SVOP: variants seen among roughly 807,000 people sequenced by gnomAD.
SVOP encodes the protein synaptic vesicle 2-related protein.
SVOP carries 17 observed loss-of-function variants against 69.1 expected under a neutral mutation model. That is an observed-to-expected ratio of 0.25 (90% CI 0.17 to 0.37). SVOP has a LOEUF of 0.37. Among genes scored for constraint, SVOP ranks in the 10% least tolerant of loss-of-function variants. SVOP has a pLI of 1.00. For missense variants in SVOP, 435 were observed against 597.5 expected (o/e 0.73, Z 2.84); for synonymous variants, 238 against 238.6 (o/e 1.00, Z 0.02).
chr12:108,966,541 GC>G (rs1014177834), intron 5 of SVOP, among the ~76,000 whole-genome samples: 7 of 149,044 alleles, frequency 4.7e-5, no homozygotes, highest in Non-Finnish European at 1.0e-4. Context: ...CTTGCCAGCT[GC>G]CTGGCTTGCA....
intron 7 of SVOP, among the ~76,000 whole-genome samples, chr12:108,944,178 C>T (rs1397711596): frequency 1.3e-5 from 2 of 150,584 alleles, no homozygotes; most frequent in African/African-American, 4.9e-5. Flanking sequence ...CTGCGCCTGG[C>T]CTTTTTTTTT....
At position 108,989,221 on chromosome 12, in the gene SVOP, C is replaced by A. The variant is rs186289039; in HGVS notation, c.36-5460G>T. Among the ~76,000 whole-genome samples the A allele has an allele frequency of 5.0e-3, 763 of 152,268 alleles. 9 individuals are homozygous for A. Among genetic ancestry groups the A allele is most frequent in the African/African-American group, 0.018 (729 of 41,552 alleles). On this transcript the variant is annotated intron_variant, in intron 1 of 15. Coordinates refer to ENST00000610966, the MANE Select transcript of SVOP (RefSeq NM_018711.5). ...AGTAGCTGGGACTACAGGCACGCACCACCACCACACCTAGCTTTTTGTTAG... is the reference window on the plus strand; with the variant it reads ...AGTAGCTGGGACTACAGGCACGCACAACCACCACACCTAGCTTTTTGTTAG...
chr12:108,944,157 G>A (rs1458928793), intron 7 of SVOP, among the ~76,000 whole-genome samples: 1 of 151,710 alleles, frequency 6.6e-6, no homozygotes, highest in South Asian at 2.1e-4. Flanking sequence ...CGGGATTATG[G>A]GCATGAGCCA....
At chr12:109,018,468 C>T (rs949204259) in intron 1 of SVOP, among the ~76,000 whole-genome samples, 3 of 152,156 alleles carry the variant, frequency 2.0e-5, no homozygotes, top group Admixed American at 6.6e-5. Context: ...TGGCCTCCCA[C>T]GGGACTGAGC....
intron 1 of SVOP, among the ~76,000 whole-genome samples, chr12:109,004,751 T>G (rs566458634): frequency 7.3e-4 from 111 of 151,190 alleles, no homozygotes; most frequent in African/African-American, 2.6e-3. Flanking sequence ...TCATTTATTT[T>G]ATTTTAGATG....
chr12:108,958,884 A>G (rs2040000938), intron 6 of SVOP, among the ~76,000 whole-genome samples: 2 of 151,728 alleles, frequency 1.3e-5, no homozygotes, highest in Admixed American at 6.6e-5. Context: ...TGCTTCTGAA[A>G]CCCTGTAAGC....
intron 2 of SVOP, 57 bp downstream of exon 2, chr12:108,983,544 G>T: frequency 2.5e-6 from 1 of 398,656 alleles, no homozygotes; most frequent in South Asian, 1.3e-4. Flanking sequence ...ATTGCCTGCT[G>T]GGTAGGCAAC....
intron 6 of SVOP, among the ~76,000 whole-genome samples, chr12:108,953,995 C>G (rs1418920474): frequency 1.3e-5 from 2 of 151,520 alleles, no homozygotes; most frequent in African/African-American, 4.9e-5. Flanking sequence ...TCCCATAATC[C>G]CAGCTACTCG....
chr12:108,931,292 G>A (rs905205624), intron 11 of SVOP, among the ~76,000 whole-genome samples: 9 of 152,188 alleles, frequency 5.9e-5, no homozygotes, highest in South Asian at 2.1e-4. Context: ...ACACAAGCAG[G>A]AACTTGATTC....
At chr12:108,912,885 T>G in intron 15 of SVOP, 144 bp from the exon 16 acceptor site, 1 of 878,738 alleles carries the variant, frequency 1.1e-6, no homozygotes, top group Admixed American at 2.4e-5. Flanking sequence ...TCTCCCCCTT[T>G]GTCCCTCTCT....
rs12316186 is a variant in SVOP at position 108,931,377 on chromosome 12, G to C, written c.1048+2818C>G. ...AAGTCAGAATGGCTTAAAAGCACAGGCATAAAAAAGCATATAGACTTTTCT... is the reference window on the plus strand; with the variant it reads ...AAGTCAGAATGGCTTAAAAGCACAGCCATAAAAAAGCATATAGACTTTTCT... On this transcript the variant is annotated intron_variant, in intron 11 of 15. Coordinates refer to ENST00000610966, the MANE Select transcript of SVOP (RefSeq NM_018711.5). Among the ~76,000 whole-genome samples, 1,365 of 152,278 alleles carry C rather than the reference G, an allele frequency of 9.0e-3. 16 individuals are homozygous for C. The highest frequency in any genetic ancestry group is 0.031 in the African/African-American group (1,282 of 41,542).
chr12:109,011,426 C>T (rs1285810954), intron 1 of SVOP, among the ~76,000 whole-genome samples: 2 of 152,170 alleles, frequency 1.3e-5, no homozygotes, highest in African/African-American at 2.4e-5. Flanking sequence ...AAGTGAGTGA[C>T]AATGATGCCC....
chr12:108,959,060 C>T (rs1481664850), intron 6 of SVOP, among the ~76,000 whole-genome samples: 1 of 152,184 alleles, frequency 6.6e-6, no homozygotes, highest in Non-Finnish European at 1.5e-5. Context: ...GACCATGGTG[C>T]TCTTGCTCAA....
At position 108,910,324 on chromosome 12, in the gene SVOP, A is replaced by G. The variant is rs2039674432; in HGVS notation, c.*2211T>C. On this transcript the variant is annotated 3_prime_UTR_variant, in exon 16 of 16. Transcript: ENST00000610966. ...CCTCAACTGTAAACCCCTTTACCCT[A>G]GTCTCTGGGAAATATTCCTGCCCAC... The G allele has an allele frequency of 6.6e-6, 1 of 152,192 alleles. No individual in the cohort carries two copies. The highest frequency in any genetic ancestry group is 1.5e-5 in the Non-Finnish European group (1 of 68,082). 9.4% of individuals were successfully genotyped at this position (152,192 alleles called of 1,614,324 possible). A position where few individuals can be genotyped will look rare whatever the true frequency, so the allele number is the denominator to read the frequency against.
In SVOP at chr12:108,996,005, T is replaced by C. The variant is rs567821908; in HGVS notation, c.36-12244A>G. Among the ~76,000 whole-genome samples, 11 of 151,784 alleles carry C rather than the reference T, an allele frequency of 7.2e-5. No homozygotes were observed. In the South Asian group the frequency reaches 2.3e-3, roughly 32 times the overall value. On this transcript the variant is annotated intron_variant, in intron 1 of 15. Transcript: ENST00000610966. ...ACATACACACACATACATACATACA[T>C]ACATACACACACACACGCTGATCTG...
chr12:108,945,285 C>T (rs2039916214), intron 6 of SVOP, 119 bp from the exon 7 acceptor site: 2 of 901,268 alleles, frequency 2.2e-6, no homozygotes, highest in Non-Finnish European at 3.5e-6. Context: ...CCACTTACAT[C>T]AGAATTTCCT....
chr12:108,938,128 T>G (rs2039867412), intron 9 of SVOP, among the ~76,000 whole-genome samples: 1 of 152,270 alleles, frequency 6.6e-6, no homozygotes, highest in South Asian at 2.1e-4. Context: ...GAAATGCCAT[T>G]CAGTTCTTCT....
Position 108,983,847 on chromosome 12 carries a change from A to G in SVOP, c.36-86T>C, listed in dbSNP as rs2040154560. 12 of 398,532 alleles carry G rather than the reference A, an allele frequency of 3.0e-5. No individual in the cohort carries two copies. The South Asian group carries it at 1.4e-3, about 48-fold the overall frequency. The allele number at this position is 398,532 out of a possible 1,614,324, so 24.7% of individuals were successfully genotyped here. On this transcript the variant is annotated intron_variant, in intron 1 of 15. Coordinates refer to ENST00000610966, the MANE Select transcript of SVOP (RefSeq NM_018711.5). ...ACAGCTCTAGTGACCAGGACAGGTG[A>G]AAGACTTCTTCTCATGGTTTGGAGA... is the stretch of plus-strand genomic sequence containing the variant.
intron 1 of SVOP, among the ~76,000 whole-genome samples, chr12:109,019,426 A>T (rs2040384392): frequency 6.6e-6 from 1 of 152,184 alleles, no homozygotes; most frequent in African/African-American, 2.4e-5. Flanking sequence ...TTATTGAAAA[A>T]TTTATCCCAG....
Sources: gnomAD v4.1 joint callset for allele counts (sites outside exome capture counted in the v4.1 genomes callset) on GRCh38, gnomAD v4.1.1 for gene constraint, MANE v1.5 for transcripts, NCBI Gene and HGNC (gene_info 2026-07-23, HGNC 2026-07-21) for gene names.